PTPRK: variants seen among roughly 807,000 people sequenced by gnomAD.
The protein encoded by PTPRK is receptor-type tyrosine-protein phosphatase kappa.
In PTPRK, 75 loss-of-function variants were observed where a neutral mutation model predicts 178.0. That is an observed-to-expected ratio of 0.42 (90% CI 0.35 to 0.51). The LOEUF (loss-of-function observed/expected upper bound fraction) is 0.51, where lower values mean the gene tolerates loss of function less well. PTPRK is among the 20% of genes least tolerant of loss of function. The probability of loss-of-function intolerance (pLI) is 0.02; values close to 1 mark genes in which losing one functional copy is unlikely to be tolerated. For missense variants in PTPRK, 1,441 were observed against 1,797.8 expected (o/e 0.80, Z 3.59); for synonymous variants, 637 against 620.6 (o/e 1.03, Z -0.39).
chr6:128,275,660 T>C (rs1306882930), intron 3 of PTPRK, among the ~76,000 whole-genome samples: 1 of 152,036 alleles, frequency 6.6e-6, no homozygotes, highest in African/African-American at 2.4e-5. Context: ...TCAACTCTAT[T>C]TGAAGTTATA....
chr6:128,283,036 A>C (rs942789117), intron 3 of PTPRK, among the ~76,000 whole-genome samples: 16 of 152,170 alleles, frequency 1.1e-4, no homozygotes, highest in African/African-American at 3.9e-4. Flanking sequence ...TATTGCAACA[A>C]AACACCCCCA....
intron 1 of PTPRK, among the ~76,000 whole-genome samples, chr6:128,411,937 A>G (rs930772476): frequency 2.6e-5 from 4 of 152,188 alleles, no homozygotes; most frequent in African/African-American, 9.6e-5. Context: ...GCAGTCTCAA[A>G]TATTTTGCTA....
At chr6:128,368,294 T>TA (rs1835802861) in intron 2 of PTPRK, among the ~76,000 whole-genome samples, 1 of 151,824 alleles carries the variant, frequency 6.6e-6, no homozygotes. Flanking sequence ...GATCAACACT[T>TA]ACTCTATTTA....
At chr6:128,148,360 C>T (rs921006605) in intron 7 of PTPRK, among the ~76,000 whole-genome samples, 7 of 152,060 alleles carry the variant, frequency 4.6e-5, no homozygotes, top group Admixed American at 3.9e-4. Context: ...GAAAAATGTA[C>T]TTAGCATATA....
chr6:127,984,218 A>C (rs1427509253), intron 22 of PTPRK, among the ~76,000 whole-genome samples: 1 of 152,196 alleles, frequency 6.6e-6, no homozygotes, highest in Non-Finnish European at 1.5e-5. Flanking sequence ...GTCCTCTCAA[A>C]CATGTATCAT....
At position 128,251,893 on chromosome 6, in the gene PTPRK, G is replaced by A. The variant is rs191886290; in HGVS notation, c.496-9291C>T. The stretch of plus-strand genomic sequence containing the variant: ...TTACCAATTGCCTGCATGATGAGAA[G>A]GACTACCACATTATCTAACAGGGAT... On this transcript the variant is annotated intron_variant, in intron 3 of 29. Coordinates refer to ENST00000368226, the MANE Select transcript of PTPRK (RefSeq NM_002844.4). 2.5e-3 allele frequency among the ~76,000 whole-genome samples: 377 copies of A among 152,242 alleles called. 3 individuals are homozygous for A. The highest frequency in any genetic ancestry group is 8.2e-3 in the African/African-American group (341 of 41,538).
In PTPRK at chr6:128,486,839, A is replaced by AG. The variant is rs1232661790; in HGVS notation, c.100+33419dup. Among the ~76,000 whole-genome samples, 212 of 150,060 alleles carry AG rather than the reference A, an allele frequency of 1.4e-3. 1 individual carries two copies. Among genetic ancestry groups the AG allele is most frequent in the Non-Finnish European group, 2.5e-3 (171 of 67,680 alleles). ...AAGGAAAGAAGGAAGGAAGGAAGGA[A>AG]GAAAGGAAAAAAATAAAAAGGGAGG... On this transcript the variant is annotated intron_variant, in intron 1 of 29. Transcript: ENST00000368226.
At chr6:128,352,091 C>CA (rs1359326667) in intron 2 of PTPRK, among the ~76,000 whole-genome samples, 4 of 150,876 alleles carry the variant, frequency 2.7e-5, no homozygotes, top group African/African-American at 4.9e-5. Flanking sequence ...CTGTCTCTAC[C>CA]AAAAATACAA....
intron 2 of PTPRK, among the ~76,000 whole-genome samples, chr6:128,376,590 G>T (rs1394492727): frequency 6.6e-6 from 1 of 152,078 alleles, no homozygotes; most frequent in Non-Finnish European, 1.5e-5. Flanking sequence ...TTAACATTCG[G>T]CTCCTCATTA....
At chr6:128,418,496 A>T (rs1843086190) in intron 1 of PTPRK, among the ~76,000 whole-genome samples, 1 of 152,180 alleles carries the variant, frequency 6.6e-6, no homozygotes. Flanking sequence ...TGAAGTGCAC[A>T]TGTGAGGGAT....
intron 2 of PTPRK, among the ~76,000 whole-genome samples, chr6:128,354,894 T>C (rs1336205168): frequency 2.6e-5 from 4 of 152,224 alleles, no homozygotes; most frequent in Non-Finnish European, 2.9e-5. Context: ...GGTCAGCCCT[T>C]ATCTGTTCAA....
At chr6:128,469,867 C>T (rs948153652) in intron 1 of PTPRK, among the ~76,000 whole-genome samples, 3 of 151,948 alleles carry the variant, frequency 2.0e-5, no homozygotes, top group African/African-American at 7.3e-5. Flanking sequence ...GGCCATGAGC[C>T]AAGAAAGATA....
intron 5 of PTPRK, chr6:128,238,186 A>C: frequency 7.0e-6 from 1 of 143,512 alleles, no homozygotes; most frequent in South Asian, 8.7e-5. Context: ...AGCAAACGCC[A>C]AAAAAAAAAA....
chr6:128,318,437 A>G (rs1313942099), intron 3 of PTPRK, among the ~76,000 whole-genome samples: 1 of 152,096 alleles, frequency 6.6e-6, no homozygotes, highest in Non-Finnish European at 1.5e-5. Flanking sequence ...TTTTCAAACC[A>G]ATGGAAAATG....
chr6:128,470,755 T>A (rs542188485), intron 1 of PTPRK, among the ~76,000 whole-genome samples: 1 of 149,990 alleles, frequency 6.7e-6, no homozygotes, highest in South Asian at 2.1e-4. Flanking sequence ...CTCTCTTTTT[T>A]TTTTTTTTTT....
At chr6:128,135,078 T>TCTCACACACACACACACA (rs764373135) in intron 7 of PTPRK, among the ~76,000 whole-genome samples, 1 of 136,276 alleles carries the variant, frequency 7.3e-6, no homozygotes, top group African/African-American at 2.8e-5. Flanking sequence ...AATCATTCAA[T>TCTCACACACACACACACA]CACACACACA....
chr6:128,511,559 G>A (rs1857195181), intron 1 of PTPRK, among the ~76,000 whole-genome samples: 2 of 152,134 alleles, frequency 1.3e-5, no homozygotes, highest in African/African-American at 2.4e-5. Flanking sequence ...AGAAGCTCCT[G>A]GAATACCCTA....
intron 2 of PTPRK, among the ~76,000 whole-genome samples, chr6:128,358,134 T>C (rs1000724477): frequency 6.6e-6 from 1 of 152,214 alleles, no homozygotes; most frequent in Non-Finnish European, 1.5e-5. Context: ...CTTCATAAGT[T>C]AGAGTGGTCA....
intron 6 of PTPRK, among the ~76,000 whole-genome samples, chr6:128,218,155 T>G (rs576713560): frequency 2.0e-5 from 3 of 152,312 alleles, no homozygotes; most frequent in African/African-American, 7.2e-5. Context: ...TGATACTACA[T>G]TTTTAACACC....
Sources: allele counts gnomAD v4.1 joint callset (sites outside exome capture counted in the v4.1 genomes callset), GRCh38; gene constraint gnomAD v4.1.1; transcripts MANE v1.5; gene names NCBI Gene and HGNC (gene_info 2026-07-23, HGNC 2026-07-21).